Variants in TENM4 observed in about 807,000 individuals in gnomAD.
The protein encoded by TENM4 is teneurin transmembrane protein 4.
A neutral mutation model predicts 243.3 loss-of-function variants in TENM4; 82 were observed. That is an observed-to-expected ratio of 0.34 (90% CI 0.28 to 0.40). TENM4 has a LOEUF of 0.40. TENM4 is among the 10% of genes least tolerant of loss of function. The probability of loss-of-function intolerance (pLI) is 1.00; values close to 1 mark genes in which losing one functional copy is unlikely to be tolerated. For missense variants in TENM4, 3,138 were observed against 3,673.3 expected, an observed-to-expected ratio of 0.85 and a Z score of 3.77; for synonymous variants, 1,412 against 1,456.3, an observed-to-expected ratio of 0.97 and a Z score of 0.69.
intron 12 of TENM4, among the ~76,000 whole-genome samples, chr11:78,847,027 C>T (rs1265338570): frequency 6.6e-6 from 1 of 152,178 alleles, no homozygotes; most frequent in Non-Finnish European, 1.5e-5. Context: ...TTCTGCTTTC[C>T]TACTTCCTTA....
intron 4 of TENM4, among the ~76,000 whole-genome samples, chr11:79,112,631 T>C (rs1266813654): frequency 6.6e-6 from 1 of 152,172 alleles, no homozygotes. Flanking sequence ...CTGGCTTCAG[T>C]GACTTCCCAA....
chr11:78,961,984 G>C (rs1019664724), intron 6 of TENM4, among the ~76,000 whole-genome samples: 1 of 152,114 alleles, frequency 6.6e-6, no homozygotes, highest in Admixed American at 6.5e-5. Context: ...GGCAAGAGCG[G>C]GGCTGCCTGA....
intron 1 of TENM4, among the ~76,000 whole-genome samples, chr11:79,422,785 C>G (rs1858962862): frequency 6.6e-6 from 1 of 152,190 alleles, no homozygotes; most frequent in South Asian, 2.1e-4. Context: ...GGTTCTGGGC[C>G]TGGGGCAGGG....
At chr11:79,296,209 G>T (rs1590859535) in intron 2 of TENM4, among the ~76,000 whole-genome samples, 1 of 152,194 alleles carries the variant, frequency 6.6e-6, no homozygotes, top group East Asian at 1.9e-4. Context: ...TCTGTGTCTT[G>T]CCTGAGGCAA....
chr11:79,208,363 A>G (rs1317601237), intron 3 of TENM4, among the ~76,000 whole-genome samples: 1 of 152,214 alleles, frequency 6.6e-6, no homozygotes, highest in Non-Finnish European at 1.5e-5. Context: ...ATTTTGGAGA[A>G]TTATTCATCT....
intron 1 of TENM4, among the ~76,000 whole-genome samples, chr11:79,306,433 T>C (rs1022193564): frequency 1.4e-4 from 21 of 152,046 alleles, no homozygotes; most frequent in African/African-American, 4.8e-4. Context: ...AAAGGGGCAT[T>C]TAGGCCGAGG....
chr11:79,253,989 C>A (rs1379367318), intron 2 of TENM4, among the ~76,000 whole-genome samples: 1 of 152,294 alleles, frequency 6.6e-6, no homozygotes, highest in South Asian at 2.1e-4. Flanking sequence ...AAATTACATT[C>A]TTTTCCCTAT....
chr11:79,197,941 A>G (rs1359124586), intron 3 of TENM4, among the ~76,000 whole-genome samples: 6 of 152,134 alleles, frequency 3.9e-5, no homozygotes, highest in African/African-American at 1.2e-4. Flanking sequence ...CACTGCTGGA[A>G]CACAGGCTCA....
chr11:79,406,956 T>C (rs886362638), intron 1 of TENM4, among the ~76,000 whole-genome samples: 50 of 152,134 alleles, frequency 3.3e-4, no homozygotes, highest in Admixed American at 2.6e-3. Flanking sequence ...TTATTGACAA[T>C]CTACTTCTGT....
chr11:79,393,871 A>C (rs1328330664), intron 1 of TENM4, among the ~76,000 whole-genome samples: 1 of 152,204 alleles, frequency 6.6e-6, no homozygotes, highest in African/African-American at 2.4e-5. Context: ...TGAGGAGCAG[A>C]TGGCTGTCTG....
intron 3 of TENM4, among the ~76,000 whole-genome samples, chr11:79,213,508 C>T (rs1863990704): frequency 6.6e-6 from 1 of 152,210 alleles, no homozygotes; most frequent in Non-Finnish European, 1.5e-5. Context: ...CCTGGGAGGA[C>T]TGCTCCATCC....
intron 12 of TENM4, among the ~76,000 whole-genome samples, chr11:78,843,209 T>C (rs1858303530): frequency 6.6e-6 from 1 of 152,030 alleles, no homozygotes; most frequent in South Asian, 2.1e-4. Flanking sequence ...ACCCAGGAGG[T>C]GGAGGTTGCA....
chr11:79,416,176 A>G (rs904765595), intron 1 of TENM4, among the ~76,000 whole-genome samples: 3 of 152,182 alleles, frequency 2.0e-5, no homozygotes, highest in African/African-American at 7.2e-5. Flanking sequence ...ATTTTTGGCT[A>G]TTACAAATAG....
chr11:78,674,077 C>G (rs1282035267), intron 30 of TENM4, among the ~76,000 whole-genome samples: 3 of 152,204 alleles, frequency 2.0e-5, no homozygotes, highest in Non-Finnish European at 4.4e-5. Flanking sequence ...TGACTCCCCT[C>G]AGGGTGGTGC....
chr11:79,246,542 T>C (rs1050827437), intron 2 of TENM4, among the ~76,000 whole-genome samples: 6 of 152,128 alleles, frequency 3.9e-5, no homozygotes, highest in African/African-American at 9.7e-5. Flanking sequence ...CTCTTAACAG[T>C]AGAATCGATA....
At chr11:79,434,251 G>A (rs1393640276) in intron 1 of TENM4, among the ~76,000 whole-genome samples, 1 of 152,194 alleles carries the variant, frequency 6.6e-6, no homozygotes, top group Non-Finnish European at 1.5e-5. Flanking sequence ...CTGGAACTGT[G>A]AAGGGAGACT....
At chr11:79,386,593 G>T (rs578400) in intron 1 of TENM4, among the ~76,000 whole-genome samples, 76,861 of 151,826 alleles carry the variant, frequency 0.51, 19,563 homozygotes, top group Non-Finnish European at 0.55. Flanking sequence ...AAAAAGACTT[G>T]AACAGGCATT....
intron 3 of TENM4, among the ~76,000 whole-genome samples, chr11:79,155,295 T>C (rs2135068273): frequency 6.6e-6 from 1 of 151,880 alleles, no homozygotes; most frequent in African/African-American, 2.4e-5. Context: ...AACCTGTTTC[T>C]AGGGCAAAGC....
chr11:78,829,052 C>T (rs900749284), intron 12 of TENM4, among the ~76,000 whole-genome samples: 13 of 152,334 alleles, frequency 8.5e-5, no homozygotes, highest in African/African-American at 2.9e-4. Context: ...ATCTGTATGC[C>T]TAGATGAAGA....
Sources: allele counts gnomAD v4.1 joint callset (sites outside exome capture counted in the v4.1 genomes callset), GRCh38; gene constraint gnomAD v4.1.1; transcripts MANE v1.5; gene names NCBI Gene and HGNC (gene_info 2026-07-23, HGNC 2026-07-21).